The following MAGT1 variants were observed in gnomAD, a reference collection of about 807,000 sequenced individuals.
MAGT1 encodes the protein magnesium transporter 1.
Under a neutral mutation model 28.4 loss-of-function variants are expected in MAGT1, and 4 were observed. That is an observed-to-expected ratio of 0.14 (90% CI 0.07 to 0.32). MAGT1 has a LOEUF of 0.32. Ranked by LOEUF, MAGT1 falls within the 10% of genes least tolerant of loss-of-function variation. The pLI, the probability that MAGT1 is intolerant of heterozygous loss-of-function variation, is 1.00. For synonymous variants in MAGT1, 89 were observed against 89.7 expected (o/e 0.99, Z 0.04); for missense variants, 193 against 264.5 (o/e 0.73, Z 1.88).
At chrX:77,882,081 T>C (rs1200475563) in intron 1 of MAGT1, among the ~76,000 whole-genome samples, 5 of 112,250 alleles carry the variant, frequency 4.5e-5, no homozygotes, top group Admixed American at 9.5e-5. Flanking sequence ...GAAAAGGCCT[T>C]TGACAAAATT....
chrX:77,854,245 G>C (rs1341544211), intron 6 of MAGT1, among the ~76,000 whole-genome samples: 1 of 111,618 alleles, frequency 9.0e-6, no homozygotes, highest in African/African-American at 3.3e-5. Context: ...CATGATCATA[G>C]CTCATTGCAA....
At chrX:77,881,627 G>A (rs1159357809) in intron 1 of MAGT1, among the ~76,000 whole-genome samples, 1 of 110,750 alleles carries the variant, frequency 9.0e-6, no homozygotes, top group Non-Finnish European at 1.9e-5. Context: ...GTATTCCATG[G>A]TGTATATGTG....
chrX:77,883,560 T>C (rs983518587), intron 1 of MAGT1, among the ~76,000 whole-genome samples: 7 of 98,283 alleles, frequency 7.1e-5, no homozygotes, highest in East Asian at 3.1e-4. Flanking sequence ...TTTCTTTTTT[T>C]TTTTTTTTTT....
chrX:77,852,147 C>T (rs2149016832), intron 7 of MAGT1, among the ~76,000 whole-genome samples: 1 of 111,699 alleles, frequency 9.0e-6, no homozygotes, highest in African/African-American at 3.2e-5. Flanking sequence ...AGGTGATCTA[C>T]CCGCCTTGGC....
At chrX:77,853,857 A>G in intron 7 of MAGT1, 44 bp downstream of exon 7, 1 of 1,082,680 alleles carries the variant, frequency 9.2e-7, no homozygotes. Context: ...GACTGTGAGA[A>G]AACAGACAAA....
chrX:77,881,575 C>A (rs1307801709), intron 1 of MAGT1, among the ~76,000 whole-genome samples: 1 of 110,003 alleles, frequency 9.1e-6, no homozygotes, highest in African/African-American at 3.3e-5. Flanking sequence ...TCATCCATGT[C>A]CCTACAAAGG....
upstream of MAGT1, chrX:77,895,559 G>A (rs1394840440): frequency 4.8e-6 from 5 of 1,038,283 alleles, no homozygotes; most frequent in African/African-American, 7.5e-5. Flanking sequence ...ACAGCGCGCT[G>A]GCGCTACACG....
chrX:77,895,529 G>T (rs782403119), upstream of MAGT1: 367 of 1,143,964 alleles, frequency 3.2e-4, no homozygotes, highest in African/African-American at 5.8e-3. Flanking sequence ...GCCCTGCCGG[G>T]AGACCCCTCA....
intron 1 of MAGT1, among the ~76,000 whole-genome samples, chrX:77,878,119 T>TA (rs572722962): frequency 2.3e-3 from 215 of 95,093 alleles, no homozygotes; most frequent in African/African-American, 6.7e-3. Flanking sequence ...ACATCTCTAC[T>TA]AAAAAAAAAA....
chrX:77,853,806 T>C, intron 7 of MAGT1, 95 bp downstream of exon 7: 1 of 715,577 alleles, frequency 1.4e-6, no homozygotes, highest in Non-Finnish European at 2.2e-6. Context: ...TGACTTGCAT[T>C]AAGAGAACAG....
Position 77,855,533 on chromosome X carries a change from A to G in MAGT1, c.730T>C (p.Tyr244His). The G allele has an allele frequency of 1.2e-5, 15 of 1,208,760 alleles. No homozygotes were observed. Among genetic ancestry groups the G allele is most frequent in the South Asian group, 1.8e-5 (1 of 56,917 alleles). The change falls in exon 6 of 10, where the codon TAT becomes CAT. Residue 244 changes from tyrosine (Y) to histidine (H), a missense_variant. Physicochemically the swap from Tyr to His is moderately conservative, Grantham distance 83 (BLOSUM62 2). Coordinates refer to ENST00000618282, the MANE Select transcript of MAGT1 (RefSeq NM_001367916.1). ...CCCGTGTGGGGATTCTTATGGGCAT[A>G]TGGTGGTCCTCTTATATGGTTCCAC... ...QMWNHIRGPP[Y>H]AHKNPHTGHV... is the part of the protein sequence containing the mutation.
chrX:77,894,113 A>T (rs1174679552), intron 1 of MAGT1, among the ~76,000 whole-genome samples: 3 of 111,962 alleles, frequency 2.7e-5, no homozygotes, highest in Non-Finnish European at 5.6e-5. Flanking sequence ...AACATAAAAA[A>T]TTTCTAAGAC....
At chrX:77,858,424 C>A (rs183409442) in intron 3 of MAGT1, among the ~76,000 whole-genome samples, 9 of 111,331 alleles carry the variant, frequency 8.1e-5, no homozygotes, top group African/African-American at 2.6e-4. Context: ...CTCCTGACTG[C>A]AAATGATCCC....
In MAGT1 at chrX:77,826,683, C is replaced by G. The variant is rs1044409185; in HGVS notation, c.*2537G>C. On this transcript the variant is annotated 3_prime_UTR_variant, in exon 10 of 10. Transcript: ENST00000618282. ...AAAGCAAATACAAAAAATTGTCATT[C>G]TGTCAATGTTCATGACAAATTATCT... 3 of 112,512 alleles carry G rather than the reference C, an allele frequency of 2.7e-5. No homozygotes were observed. The highest frequency in any genetic ancestry group is 5.6e-5 in the Non-Finnish European group (3 of 53,336). 9.3% of individuals were successfully genotyped at this position (112,512 alleles called of 1,213,427 possible). A position where few individuals can be genotyped will look rare whatever the true frequency, so the allele number is the denominator to read the frequency against.
At chrX:77,835,507 A>C (rs2076914445) in intron 8 of MAGT1, among the ~76,000 whole-genome samples, 1 of 111,724 alleles carries the variant, frequency 9.0e-6, no homozygotes, top group Admixed American at 9.6e-5. Context: ...AGTTAGTATA[A>C]CCACTAAGAA....
chrX:77,856,971 G>T, intron 4 of MAGT1, 98 bp from the exon 5 acceptor site: 1 of 821,080 alleles, frequency 1.2e-6, no homozygotes, highest in Non-Finnish European at 1.8e-6. Flanking sequence ...CAAAATTATT[G>T]TGGTTACTTT....
At chrX:77,858,233 T>C (rs782620884) in intron 3 of MAGT1, among the ~76,000 whole-genome samples, 1 of 111,644 alleles carries the variant, frequency 9.0e-6, no homozygotes, top group African/African-American at 3.2e-5. Flanking sequence ...CTCTGTTGCC[T>C]AGGCTGAAGC....
At position 77,870,278 on chromosome X, in the gene MAGT1, T is replaced by C. The variant is rs1256832414; in HGVS notation, c.390+530A>G. 4.5e-5 allele frequency among the ~76,000 whole-genome samples: 5 copies of C among 110,573 alleles called. No individual in the cohort carries two copies. The East Asian group carries it at 1.4e-3, about 31-fold the overall frequency. ...AAAAGGGTCAGAGGGGGATGAAGGA[T>C]TAAAGACTACGTATTTGGGTACAGT... On this transcript the variant is annotated intron_variant, in intron 3 of 9. Transcript: ENST00000618282.
At chrX:77,888,892 T>C (rs2077074109) in intron 1 of MAGT1, among the ~76,000 whole-genome samples, 1 of 111,312 alleles carries the variant, frequency 9.0e-6, no homozygotes, top group Admixed American at 9.7e-5. Flanking sequence ...GAGGTGTCCA[T>C]GCCCTCAAGA....
Sources: gnomAD v4.1 joint callset for allele counts (sites outside exome capture counted in the v4.1 genomes callset) on GRCh38, gnomAD v4.1.1 for gene constraint, MANE v1.5 for transcripts, NCBI Gene and HGNC (gene_info 2026-07-23, HGNC 2026-07-21) for gene names.